SCN7A: variants seen among roughly 807,000 people sequenced by gnomAD.
The protein encoded by SCN7A is sodium channel protein type 7 subunit alpha.
A neutral mutation model predicts 155.2 loss-of-function variants in SCN7A; 138 were observed. That is an observed-to-expected ratio of 0.89 (90% CI 0.77 to 1.02). The LOEUF (loss-of-function observed/expected upper bound fraction) is 1.02. Among genes scored for constraint, SCN7A ranks in the 50% least tolerant of loss-of-function variants. The pLI is 0.00. For missense variants in SCN7A, 2,058 were observed against 1,986.6 expected, an observed-to-expected ratio of 1.04 and a Z score of -0.68; for synonymous variants, 693 against 649.0, an observed-to-expected ratio of 1.07 and a Z score of -1.03.
chr2:166,477,388 T>A (rs1180055864), intron 3 of SCN7A, 75 bp downstream of exon 3: 1 of 937,686 alleles, frequency 1.1e-6, no homozygotes, highest in Non-Finnish European at 1.5e-6. Flanking sequence ...TTGTATCCTA[T>A]CTCAATTACA....
intron 9 of SCN7A, among the ~76,000 whole-genome samples, chr2:166,463,705 C>A (rs993691921): frequency 2.6e-5 from 4 of 152,076 alleles, no homozygotes; most frequent in Non-Finnish European, 4.4e-5. Flanking sequence ...GATGGGTTCA[C>A]CATTTGGATA....
At position 166,406,377 on chromosome 2, in the gene SCN7A, C is replaced by T. The variant is rs768346868; in HGVS notation, c.4252G>A (p.Glu1418Lys). The change falls in exon 26 of 26, where the codon GAA becomes AAA. Residue 1418 changes from glutamate to lysine, a missense_variant. Transcript: ENST00000643258. Reference protein sequence around the residue: ...EAGINDVSNFETFGNSMLCLF... With the variant: ...EAGINDVSNFKTFGNSMLCLF... ...CAGAGCATACTGTTGCCAAAGGTTT[C>T]AAAATTAGACACATCATTAATTCCA... The T allele has an allele frequency of 9.3e-6, 15 of 1,612,926 alleles. No homozygotes were observed. The highest frequency in any genetic ancestry group is 7.7e-5 in the South Asian group (7 of 91,062).
intron 7 of SCN7A, among the ~76,000 whole-genome samples, chr2:166,469,879 T>C (rs1702616204): frequency 6.6e-6 from 1 of 151,962 alleles, no homozygotes; most frequent in African/African-American, 2.4e-5. Flanking sequence ...TGTGGTCTTC[T>C]TTCATAGACC....
At position 166,462,486 on chromosome 2, in the gene SCN7A, G is replaced by A. The variant is rs1322989748; in HGVS notation, c.986C>T (p.Pro329Leu). The change falls in exon 10 of 26, where the codon CCT becomes CTT. Residue 329 changes from proline (P) to leucine (L), a missense_variant. By Grantham distance (98) the Pro-to-Leu change is moderately conservative (BLOSUM62 -3). Coordinates refer to ENST00000643258, the MANE Select transcript of SCN7A (RefSeq NM_002976.4). ...GYVCVKAGINPDQGFTNFDSF... is the reference protein window; with the variant it reads ...GYVCVKAGINLDQGFTNFDSF... Reference sequence around the variant, plus strand: ...GTCAAAATTTGTGAAGCCTTGATCAGGATTTATGCCAGCTTTTACACACAC... The same window carrying A: ...GTCAAAATTTGTGAAGCCTTGATCAAGATTTATGCCAGCTTTTACACACAC... 3.7e-6 allele frequency: 6 copies of A among 1,613,692 alleles called. No individual in the cohort carries two copies. Among genetic ancestry groups the A allele is most frequent in the Non-Finnish European group, 5.1e-6 (6 of 1,179,818 alleles).
chr2:166,453,642 ACAT>A (rs1234557651), intron 11 of SCN7A, among the ~76,000 whole-genome samples: 1 of 152,228 alleles, frequency 6.6e-6, no homozygotes, highest in East Asian at 1.9e-4. Context: ...AACTTGGCAA[ACAT>A]CATTCATCTA....
chr2:166,465,573 A>T, intron 8 of SCN7A, 42 bp from the exon 9 acceptor site: 1 of 1,433,212 alleles, frequency 7.0e-7, no homozygotes, highest in Non-Finnish European at 9.7e-7. Flanking sequence ...TGTAATTATG[A>T]GTTAGCACCA....
At chr2:166,453,302 TTAA>T (rs1351958118) in intron 11 of SCN7A, among the ~76,000 whole-genome samples, 2 of 152,182 alleles carry the variant, frequency 1.3e-5, no homozygotes, top group East Asian at 3.9e-4. Context: ...TTGCATGATA[TTAA>T]TGTTATTATA....
chr2:166,428,131 A>C (rs1701662463), intron 17 of SCN7A, among the ~76,000 whole-genome samples, 189 bp from the exon 18 acceptor site: 1 of 152,078 alleles, frequency 6.6e-6, no homozygotes, highest in Admixed American at 6.6e-5. Flanking sequence ...AGGAAAAGGA[A>C]AACTGGACTT....
intron 25 of SCN7A, among the ~76,000 whole-genome samples, chr2:166,407,634 C>A (rs1701103699): frequency 6.6e-6 from 1 of 151,936 alleles, no homozygotes; most frequent in South Asian, 2.1e-4. Flanking sequence ...CAAACTTTTT[C>A]ATTATGCAGG....
At chr2:166,407,176 T>C (rs1009291564) in intron 25 of SCN7A, among the ~76,000 whole-genome samples, 1 of 152,022 alleles carries the variant, frequency 6.6e-6, no homozygotes, top group African/African-American at 2.4e-5. Flanking sequence ...CAGTGATTCA[T>C]AGATTGTAAT....
intron 10 of SCN7A, among the ~76,000 whole-genome samples, chr2:166,460,590 G>T (rs140641800): frequency 6.6e-6 from 1 of 152,064 alleles, no homozygotes; most frequent in African/African-American, 2.4e-5. Context: ...TCCTACACTG[G>T]GCTTGGGGAA....
At chr2:166,407,999 T>G (rs1161948515) in intron 25 of SCN7A, among the ~76,000 whole-genome samples, 1 of 151,956 alleles carries the variant, frequency 6.6e-6, no homozygotes, top group African/African-American at 2.4e-5. Context: ...GTTTCAGTTT[T>G]CAGAGGATGA....
chr2:166,472,576 T>C (rs942669290), intron 5 of SCN7A, 131 bp from the exon 6 acceptor site: 1 of 730,750 alleles, frequency 1.4e-6, no homozygotes. Flanking sequence ...GTCTACTTGG[T>C]AGGCCAAAAC....
intron 15 of SCN7A, 198 bp downstream of exon 15, chr2:166,441,198 G>A: frequency 2.2e-6 from 1 of 463,428 alleles, no homozygotes; most frequent in South Asian, 5.8e-5. Context: ...CTTCAAATCT[G>A]GTGCATATTC....
chr2:166,473,950 T>C, intron 4 of SCN7A, 62 bp from the exon 5 acceptor site: 1 of 850,268 alleles, frequency 1.2e-6, no homozygotes, highest in Non-Finnish European at 1.8e-6. Flanking sequence ...ATTTCTATGA[T>C]ATATATTTCT....
intron 21 of SCN7A, among the ~76,000 whole-genome samples, chr2:166,413,906 A>G (rs542570912): frequency 1.4e-5 from 2 of 140,378 alleles, no homozygotes; most frequent in East Asian, 4.1e-4. Context: ...CATACAGCCT[A>G]TTGTGGGACC....
rs1362856410 is a variant in SCN7A, at chr2:166,445,013, A to C, written c.1388-13T>G. ...GATTTTTCAAGTTCTGAAATGAAAG[A>C]ATACAAAAGTTAAACATTCTGGCCG... is the stretch of plus-strand genomic sequence containing the variant. On this transcript the variant is annotated splice_polypyrimidine_tract_variant and intron_variant, in intron 12 of 25. Coordinates refer to ENST00000643258, the MANE Select transcript of SCN7A (RefSeq NM_002976.4). The C allele has an allele frequency of 1.3e-6, 2 of 1,543,206 alleles. No individual in the cohort carries two copies. Among genetic ancestry groups the C allele is most frequent in the Non-Finnish European group, 1.8e-6 (2 of 1,118,200 alleles).
intron 10 of SCN7A, among the ~76,000 whole-genome samples, chr2:166,457,760 C>A (rs897050571): frequency 2.6e-5 from 4 of 151,972 alleles, no homozygotes; most frequent in African/African-American, 9.7e-5. Context: ...TTTCCTAAGA[C>A]AGATCAGAAA....
At chr2:166,474,413 C>T (rs1702733814) in intron 3 of SCN7A, 69 bp from the exon 4 acceptor site, 1 of 547,814 alleles carries the variant, frequency 1.8e-6, no homozygotes, top group East Asian at 3.3e-5. Flanking sequence ...ATGCAATAAA[C>T]TGCCAATCAA....
Sources: allele counts gnomAD v4.1 joint callset (sites outside exome capture counted in the v4.1 genomes callset), GRCh38; gene constraint gnomAD v4.1.1; transcripts MANE v1.5; gene names NCBI Gene and HGNC (gene_info 2026-07-23, HGNC 2026-07-21).